The following RALGPS2 variants were observed in gnomAD, a reference collection of about 807,000 sequenced individuals.
RALGPS2 encodes the protein Ral GEF with PH domain and SH3 binding motif 2, also known as ras-specific guanine nucleotide-releasing factor RalGPS2.
A neutral mutation model predicts 86.8 loss-of-function variants in RALGPS2; 43 were observed. That is an observed-to-expected ratio of 0.50 (90% CI 0.39 to 0.64). The LOEUF (loss-of-function observed/expected upper bound fraction) is 0.64, where lower values mean the gene tolerates loss of function less well. Ranked by LOEUF, RALGPS2 falls within the 30% of genes least tolerant of loss-of-function variation. The probability of loss-of-function intolerance (pLI) is 0.00; values close to 1 mark genes in which losing one functional copy is unlikely to be tolerated. For synonymous variants in RALGPS2, 243 were observed against 231.3 expected (o/e 1.05, Z -0.46); for missense variants, 536 against 694.6 (o/e 0.77, Z 2.57).
At chr1:178,799,201 G>A (rs538326226) in intron 4 of RALGPS2, among the ~76,000 whole-genome samples, 1 of 152,176 alleles carries the variant, frequency 6.6e-6, no homozygotes, top group South Asian at 2.1e-4. Context: ...CACCATGCCT[G>A]GCTAATTTTT....
At chr1:178,754,012 C>T (rs1250661893) in intron 1 of RALGPS2, among the ~76,000 whole-genome samples, 8 of 151,828 alleles carry the variant, frequency 5.3e-5, no homozygotes, top group Middle Eastern at 6.8e-3. Context: ...TTAATAGAGA[C>T]GGGGTTTCAC....
chr1:178,859,652 A>G (rs913040188), intron 8 of RALGPS2, among the ~76,000 whole-genome samples: 1 of 149,372 alleles, frequency 6.7e-6, no homozygotes, highest in Non-Finnish European at 1.5e-5. Context: ...AAAATATGCA[A>G]TGATTAATGG....
At chr1:178,762,038 G>A (rs1652269228) in intron 1 of RALGPS2, among the ~76,000 whole-genome samples, 1 of 152,116 alleles carries the variant, frequency 6.6e-6, no homozygotes, top group Non-Finnish European at 1.5e-5. Context: ...AGGCCCTGGT[G>A]TCAGTTGTTC....
intron 1 of RALGPS2, among the ~76,000 whole-genome samples, chr1:178,755,686 T>C (rs929284275): frequency 7.2e-5 from 11 of 152,332 alleles, no homozygotes; most frequent in Admixed American, 3.3e-4. Flanking sequence ...GAACAATTTA[T>C]TTTCTTTTGA....
chr1:178,744,163 CTG>C (rs975304414), intron 1 of RALGPS2, among the ~76,000 whole-genome samples: 37 of 152,218 alleles, frequency 2.4e-4, no homozygotes, highest in Middle Eastern at 3.4e-3. Flanking sequence ...TCATAATTAA[CTG>C]GGGTTTATTT....
chr1:178,889,561 ATTAAT>A, intron 13 of RALGPS2, 76 bp from the exon 14 acceptor site: 1 of 913,008 alleles, frequency 1.1e-6, no homozygotes. Flanking sequence ...AGCATAGTTA[ATTAAT>A]TTATTTTTAC....
In RALGPS2 at chr1:178,906,814, G is replaced by A. The variant is rs1660405481; in HGVS notation, c.1669G>A (p.Ala557Thr). ...YKFQAGNRMN[A>T]MLWFKHLSAA... ...GTTTCAAGCTGGCAATAGAATGAAT[G>A]CAATGTTATGGTTTAAGCATTTGAG... is the stretch of plus-strand genomic sequence containing the variant. The change falls in exon 19 of 20, where the codon GCA becomes ACA. Residue 557 changes from alanine (A) to threonine (T), a missense_variant. Around this residue, in one of 3 missense-constraint regions of RALGPS2, gnomAD observed 309 missense variants for 363.0 expected, o/e 0.85. Coordinates refer to ENST00000367635, the MANE Select transcript of RALGPS2 (RefSeq NM_152663.5). 1 of 1,609,798 alleles carries A rather than the reference G, an allele frequency of 6.2e-7. No individual in the cohort carries two copies. Among genetic ancestry groups the A allele is most frequent in the Non-Finnish European group, 8.5e-7 (1 of 1,178,894 alleles).
chr1:178,727,067 A>C (rs550381307), intron 1 of RALGPS2, among the ~76,000 whole-genome samples: 8 of 152,370 alleles, frequency 5.3e-5, no homozygotes, highest in Non-Finnish European at 1.2e-4. Flanking sequence ...ATGTAGCTTC[A>C]AAGGTCTTTT....
chr1:178,763,883 T>C (rs953366629), intron 1 of RALGPS2, among the ~76,000 whole-genome samples: 1 of 152,170 alleles, frequency 6.6e-6, no homozygotes, highest in African/African-American at 2.4e-5. Flanking sequence ...TGTTTTTTTT[T>C]TTAATTTAAT....
chr1:178,765,895 A>T (rs1186453890), intron 1 of RALGPS2, among the ~76,000 whole-genome samples: 1 of 152,198 alleles, frequency 6.6e-6, no homozygotes. Flanking sequence ...CTTTAAGGTT[A>T]TCTCCCTTGT....
chr1:178,765,551 G>T (rs925344715), intron 1 of RALGPS2, among the ~76,000 whole-genome samples: 2 of 152,190 alleles, frequency 1.3e-5, no homozygotes, highest in East Asian at 3.9e-4. Flanking sequence ...AATTGTTAAT[G>T]AAGTTTCGGG....
At chr1:178,907,879 C>T (rs934055138) in intron 19 of RALGPS2, among the ~76,000 whole-genome samples, 2 of 152,178 alleles carry the variant, frequency 1.3e-5, no homozygotes, top group Non-Finnish European at 2.9e-5. Context: ...CTACACAGGT[C>T]ACACAAGTAA....
At position 178,762,122 on chromosome 1, in the gene RALGPS2, G is replaced by T. The variant is rs545166257; in HGVS notation, c.-83-14560G>T. Among the ~76,000 whole-genome samples, 7 of 152,136 alleles carry T rather than the reference G, an allele frequency of 4.6e-5. 1 individual carries two copies. In the East Asian group the frequency reaches 9.7e-4, roughly 21 times the overall value. On this transcript the variant is annotated intron_variant, in intron 1 of 19. Coordinates refer to ENST00000367635, the MANE Select transcript of RALGPS2 (RefSeq NM_152663.5). Reference sequence around the variant, plus strand: ...AAGAACATGCAATATTTTGTTTTCTGTTCCTGTGTTCGCTTAGGATAATGG... The same window carrying T: ...AAGAACATGCAATATTTTGTTTTCTTTTCCTGTGTTCGCTTAGGATAATGG...
At chr1:178,739,402 T>C (rs1352790834) in intron 1 of RALGPS2, among the ~76,000 whole-genome samples, 2 of 152,220 alleles carry the variant, frequency 1.3e-5, no homozygotes, top group African/African-American at 4.8e-5. Context: ...TGTGTCAGAT[T>C]GAAGAGCATT....
At chr1:178,829,875 G>C (rs1228042932) in intron 7 of RALGPS2, among the ~76,000 whole-genome samples, 1 of 151,956 alleles carries the variant, frequency 6.6e-6, no homozygotes, top group Non-Finnish European at 1.5e-5. Flanking sequence ...CTCCTGAGTA[G>C]CTGGGATTAC....
intron 1 of RALGPS2, among the ~76,000 whole-genome samples, chr1:178,735,438 T>C (rs1405215910): frequency 6.7e-6 from 1 of 150,278 alleles, no homozygotes; most frequent in African/African-American, 2.4e-5. Flanking sequence ...TTTCTTTTTT[T>C]TTTTTTTTTG....
chr1:178,785,019 A>G (rs1653580326), intron 3 of RALGPS2, among the ~76,000 whole-genome samples: 1 of 152,062 alleles, frequency 6.6e-6, no homozygotes, highest in Non-Finnish European at 1.5e-5. Flanking sequence ...CCATTCCTGC[A>G]TTCCAGAGAT....
intron 1 of RALGPS2, among the ~76,000 whole-genome samples, chr1:178,735,733 CAAAAGT>C (rs1221937549): frequency 1.3e-5 from 2 of 149,232 alleles, no homozygotes; most frequent in Non-Finnish European, 3.0e-5. Flanking sequence ...ACATGTATCT[CAAAAGT>C]AAAAAATGAA....
intron 13 of RALGPS2, among the ~76,000 whole-genome samples, chr1:178,888,717 G>A (rs1038985475): frequency 6.6e-6 from 1 of 152,062 alleles, no homozygotes; most frequent in South Asian, 2.1e-4. Flanking sequence ...TCCAAGGATG[G>A]TACATAACTA....
Sources: gnomAD v4.1 joint callset for allele counts (sites outside exome capture counted in the v4.1 genomes callset) on GRCh38, gnomAD v4.1.1 for gene constraint, gnomAD v4.1.1 regional missense constraint, MANE v1.5 for transcripts, NCBI Gene and HGNC (gene_info 2026-07-23, HGNC 2026-07-21) for gene names.